Variants in MEGF9 observed in about 807,000 individuals in gnomAD.
MEGF9 encodes multiple EGF like domains 9, also known as multiple epidermal growth factor-like domains protein 9.
Under a neutral mutation model 46.8 loss-of-function variants are expected in MEGF9, and 6 were observed. The ratio of observed to expected loss-of-function variants is 0.13; its 90% CI spans 0.07 to 0.25. The LOEUF (loss-of-function observed/expected upper bound fraction) is 0.25. Ranked by LOEUF, MEGF9 falls within the 10% of genes least tolerant of loss-of-function variation. MEGF9 has a pLI of 1.00. For missense variants in MEGF9, 683 were observed against 792.4 expected (o/e 0.86, Z 1.66); for synonymous variants, 302 against 330.7 (o/e 0.91, Z 0.94).
At chr9:120,621,637 T>A (rs2043499742) in intron 3 of MEGF9, among the ~76,000 whole-genome samples, 1 of 152,216 alleles carries the variant, frequency 6.6e-6, no homozygotes, top group South Asian at 2.1e-4. Flanking sequence ...AACACCTAGA[T>A]CACCTAAAGG....
intron 2 of MEGF9, among the ~76,000 whole-genome samples, chr9:120,626,724 G>A (rs1409910619): frequency 4.6e-5 from 7 of 152,310 alleles, no homozygotes; most frequent in Admixed American, 1.3e-4. Context: ...AAACCAGCCC[G>A]AGGAAACAGA....
chr9:120,639,091 T>C (rs2043591169), intron 2 of MEGF9, among the ~76,000 whole-genome samples: 1 of 152,248 alleles, frequency 6.6e-6, no homozygotes, highest in Non-Finnish European at 1.5e-5. Context: ...TTGTGGCTTG[T>C]CTTTTCATTT....
chr9:120,708,297 G>A (rs926381213), intron 1 of MEGF9, among the ~76,000 whole-genome samples: 2 of 152,160 alleles, frequency 1.3e-5, no homozygotes, highest in Admixed American at 6.5e-5. Context: ...CCGGGGAGGT[G>A]GAGGTTGTAG....
At chr9:120,699,554 CA>C (rs1318287269) in intron 1 of MEGF9, among the ~76,000 whole-genome samples, 5 of 150,702 alleles carry the variant, frequency 3.3e-5, no homozygotes, top group African/African-American at 1.2e-4. Context: ...TGCATGTCTA[CA>C]ATTTTTTTTT....
In MEGF9 at chr9:120,608,004, C is replaced by G; in HGVS notation, c.1094G>C (p.Ser365Thr). ...TSTGSCSIKS[S>T]ELEPECDQCK... ...CTGGTCACATTCAGGTTCCAATTCA[C>G]TCGATTCTAAAAGAGAGAATGCCAA... The change falls in exon 5 of 6, where the codon AGT (serine) becomes ACT (threonine). Residue 365 changes from serine (S) to threonine (T), a missense_variant. Physicochemically the swap from Ser to Thr is moderately conservative, Grantham distance 58. Around this residue, in one of 2 missense-constraint regions of MEGF9, gnomAD observed 313 missense variants for 421.1 expected, o/e 0.74. Coordinates refer to ENST00000373930, the MANE Select transcript of MEGF9 (RefSeq NM_001080497.3). 1 of 1,613,792 alleles carries G rather than the reference C, an allele frequency of 6.2e-7. No individual in the cohort carries two copies. The highest frequency in any genetic ancestry group is 1.1e-5 in the South Asian group (1 of 91,076).
At chr9:120,623,658 C>T (rs187937526) in intron 2 of MEGF9, among the ~76,000 whole-genome samples, 4 of 152,220 alleles carry the variant, frequency 2.6e-5, no homozygotes, top group Non-Finnish European at 5.9e-5. Flanking sequence ...AGAAGCCACA[C>T]ACATATACGG....
intron 1 of MEGF9, among the ~76,000 whole-genome samples, chr9:120,675,247 T>C (rs777987493): frequency 3.0e-4 from 45 of 152,118 alleles, no homozygotes; most frequent in Non-Finnish European, 6.0e-4. Context: ...TTATATTACA[T>C]ATGAGAATAT....
At chr9:120,629,888 G>C (rs1019600542) in intron 2 of MEGF9, among the ~76,000 whole-genome samples, 1 of 151,202 alleles carries the variant, frequency 6.6e-6, no homozygotes, top group Admixed American at 6.6e-5. Context: ...AGCTGAGATC[G>C]CATCACTGCA....
At chr9:120,641,472 C>CA (rs935021845) in intron 2 of MEGF9, among the ~76,000 whole-genome samples, 14 of 151,746 alleles carry the variant, frequency 9.2e-5, no homozygotes, top group South Asian at 4.2e-4. Flanking sequence ...TGAAATGCCT[C>CA]AAAAAAAACC....
intron 2 of MEGF9, among the ~76,000 whole-genome samples, chr9:120,632,624 G>A (rs1198780883): frequency 6.6e-6 from 1 of 152,014 alleles, no homozygotes; most frequent in Non-Finnish European, 1.5e-5. Context: ...AGCACTTCTG[G>A]TATTATGTTG....
At chr9:120,610,078 C>T (rs1404424916) in intron 4 of MEGF9, among the ~76,000 whole-genome samples, 1 of 152,070 alleles carries the variant, frequency 6.6e-6, no homozygotes, top group African/African-American at 2.4e-5. Context: ...AAACTCTGGG[C>T]CTCAGCTTTC....
At chr9:120,607,159 A>G (rs766316853) in intron 5 of MEGF9, among the ~76,000 whole-genome samples, 3 of 152,230 alleles carry the variant, frequency 2.0e-5, no homozygotes, top group Non-Finnish European at 4.4e-5. Context: ...GTGACCTAAT[A>G]AACCCTCAAT....
intron 1 of MEGF9, among the ~76,000 whole-genome samples, chr9:120,674,980 G>A (rs957001705): frequency 1.3e-4 from 19 of 151,096 alleles, no homozygotes; most frequent in African/African-American, 3.6e-4. Context: ...CTGGATTCAC[G>A]CCATTTTCCT....
chr9:120,676,364 G>A (rs1254299049), intron 1 of MEGF9, among the ~76,000 whole-genome samples: 2 of 152,132 alleles, frequency 1.3e-5, no homozygotes, highest in Non-Finnish European at 2.9e-5. Context: ...TAAAAAATAT[G>A]TATATGAGTT....
Position 120,605,336 on chromosome 9 carries a change from G to C in MEGF9, c.1663C>G (p.Leu555Val), listed in dbSNP as rs1036849858. ...KLNAPFWTIE[L>V]KEDNISFSSY... ...CTGAAACTGATATTGTCTTCTTTCA[G>C]CTCGATGGTCCAAAAGGGGGCATTG... The change falls in exon 6 of 6, where the codon CTG becomes GTG. Residue 555 changes from leucine to valine, a missense_variant. By Grantham distance (32) the Leu-to-Val change is conservative (BLOSUM62 1). Around this residue, in one of 2 missense-constraint regions of MEGF9, gnomAD observed 313 missense variants for 421.1 expected, o/e 0.74. Transcript: ENST00000373930. The surrounding 1 kb of genome is among the most constrained non-coding windows in gnomAD (Gnocchi z 4.0). The C allele has an allele frequency of 1.2e-6, 2 of 1,613,998 alleles. No individual in the cohort carries two copies. Among genetic ancestry groups the C allele is most frequent in the Non-Finnish European group, 8.5e-7 (1 of 1,179,894 alleles).
intron 2 of MEGF9, among the ~76,000 whole-genome samples, chr9:120,641,950 T>G (rs1171708714): frequency 6.6e-6 from 1 of 152,134 alleles, no homozygotes; most frequent in Non-Finnish European, 1.5e-5. Context: ...ATTACAACTA[T>G]TGTCCCTAGT....
intron 3 of MEGF9, among the ~76,000 whole-genome samples, chr9:120,616,882 T>C (rs1044549818): frequency 2.0e-5 from 3 of 152,184 alleles, no homozygotes; most frequent in African/African-American, 7.2e-5. Context: ...GACTATTCCA[T>C]AGGACATAAT....
At chr9:120,636,792 G>A (rs952990843) in intron 2 of MEGF9, among the ~76,000 whole-genome samples, 6 of 151,478 alleles carry the variant, frequency 4.0e-5, no homozygotes, top group Non-Finnish European at 7.4e-5. Context: ...CCGTCCGCCC[G>A]GCAGCCGCCC....
rs373967540 is a variant in MEGF9 at position 120,601,559 on chromosome 9, T to TA, written c.*3630dup. The TA allele has an allele frequency of 1.8e-4, 28 of 152,330 alleles. No individual in the cohort carries two copies. The highest frequency in any genetic ancestry group is 5.9e-4 in the Admixed American group (9 of 15,294). 9.4% of individuals were successfully genotyped at this position (152,330 alleles called of 1,614,324 possible). A position where few individuals can be genotyped will look rare whatever the true frequency, so the allele number is the denominator to read the frequency against. ...ATATTGGCGCTAGAGAACAGTGATA[T>TA]AATTTGAGGTGTCTACAAATGTTGT... On this transcript the variant is annotated 3_prime_UTR_variant, in exon 6 of 6. Coordinates refer to ENST00000373930, the MANE Select transcript of MEGF9 (RefSeq NM_001080497.3).
Sources: allele counts gnomAD v4.1 joint callset (sites outside exome capture counted in the v4.1 genomes callset), GRCh38; gene constraint gnomAD v4.1.1; regional missense constraint gnomAD v4.1.1; non-coding constraint Gnocchi (gnomAD v3.1); transcripts MANE v1.5; gene names NCBI Gene and HGNC (gene_info 2026-07-23, HGNC 2026-07-21).